The following FIP1L1 variants were observed in gnomAD, a reference collection of about 807,000 sequenced individuals.
FIP1L1 encodes the protein pre-mRNA 3'-end-processing factor FIP1.
In FIP1L1, 21 loss-of-function variants were observed where a neutral mutation model predicts 84.6. The ratio of observed to expected loss-of-function variants is 0.25; its 90% CI spans 0.18 to 0.36. The LOEUF (loss-of-function observed/expected upper bound fraction) is 0.36. Ranked by LOEUF, FIP1L1 falls within the 10% of genes least tolerant of loss-of-function variation. The pLI, the probability that FIP1L1 is intolerant of heterozygous loss-of-function variation, is 1.00. For missense variants in FIP1L1, 526 were observed against 751.1 expected (o/e 0.70, Z 3.50); for synonymous variants, 263 against 242.3 (o/e 1.09, Z -0.80).
chr4:53,446,678 AT>A (rs1774328924), intron 15 of FIP1L1, among the ~76,000 whole-genome samples: 1 of 152,158 alleles, frequency 6.6e-6, no homozygotes, highest in Non-Finnish European at 1.5e-5. Flanking sequence ...TACTATTTTA[AT>A]GAGACTTTCC....
Position 53,458,731 on chromosome 4 carries a change from A to C in FIP1L1, c.1578A>C (p.Glu526Asp), listed in dbSNP as rs1199311254. The change falls in exon 17 of 18, where the codon GAA (glutamate) becomes GAC (aspartate). Residue 526 changes from glutamate to aspartate, a missense_variant. This residue lies in a region of FIP1L1 where 89 missense variants were observed against 169.0 expected (regional missense o/e 0.53). Transcript: ENST00000337488. ...ACAGAGCAAGTCGAGAAAAAGAAGAACGACATAGAGAAAGACGACACAGGG... is the reference window on the plus strand; with the variant it reads ...ACAGAGCAAGTCGAGAAAAAGAAGACCGACATAGAGAAAGACGACACAGGG... ...ERHRASREKE[E>D]RHRERRHREK... is the part of the protein sequence containing the mutation. 2 of 1,613,292 alleles carry C rather than the reference A, an allele frequency of 1.2e-6. No homozygotes were observed. The highest frequency in any genetic ancestry group is 4.5e-5 in the East Asian group (2 of 44,828).
At chr4:53,437,079 C>T (rs1338653763) in intron 13 of FIP1L1, among the ~76,000 whole-genome samples, 2 of 152,070 alleles carry the variant, frequency 1.3e-5, no homozygotes, top group Non-Finnish European at 2.9e-5. Flanking sequence ...GTAATCACAG[C>T]ACTTTGGGAG....
chr4:53,380,888 A>G (rs1045846215), intron 3 of FIP1L1, among the ~76,000 whole-genome samples: 35 of 152,120 alleles, frequency 2.3e-4, no homozygotes, highest in African/African-American at 8.2e-4. Context: ...TTTCTATATG[A>G]TAATCTTTAT....
At position 53,458,825 on chromosome 4, in the gene FIP1L1, T is replaced by A. The variant is rs748019524; in HGVS notation, c.1637+35T>A. ...TTAATAAAATAGTGAACCAATAGTA[T>A]GTGAGAGATTTTGACTTACTACATT... On this transcript the variant is annotated intron_variant, in intron 17 of 17. Transcript: ENST00000337488. The A allele has an allele frequency of 2.5e-6, 4 of 1,592,146 alleles. No individual in the cohort carries two copies. In the African/African-American group the frequency reaches 5.4e-5, roughly 22 times the overall value.
At chr4:53,382,586 A>C (rs1185355062) in intron 4 of FIP1L1, among the ~76,000 whole-genome samples, 3 of 152,204 alleles carry the variant, frequency 2.0e-5, no homozygotes, top group Non-Finnish European at 2.9e-5. Flanking sequence ...CTTTCAAGGA[A>C]TTGAATGGTT....
intron 10 of FIP1L1, among the ~76,000 whole-genome samples, chr4:53,407,513 A>G (rs1197428315): frequency 4.0e-5 from 6 of 151,678 alleles, no homozygotes; most frequent in Non-Finnish European, 8.8e-5. Flanking sequence ...AGTTCTGTAG[A>G]TGTCTATTAG....
rs962041465 is a variant in FIP1L1 at position 53,460,054 on chromosome 4, T to C, written c.*605T>C. 2.0e-5 allele frequency: 2 copies of C among 99,862 alleles called. No individual in the cohort carries two copies. The highest frequency in any genetic ancestry group is 1.1e-4 in the African/African-American group (2 of 19,026). 6.2% of individuals were successfully genotyped at this position (99,862 alleles called of 1,614,324 possible). On this transcript the variant is annotated 3_prime_UTR_variant, in exon 18 of 18. Coordinates refer to ENST00000337488, the MANE Select transcript of FIP1L1 (RefSeq NM_030917.4). Reference sequence around the variant, plus strand: ...AGGCATCTGGGTGGCCTCTATGAAATAAATTAATTAATTACCCATAGTGTA... The same window carrying C: ...AGGCATCTGGGTGGCCTCTATGAAACAAATTAATTAATTACCCATAGTGTA...
Position 53,408,353 on chromosome 4 carries a change from C to CCA in FIP1L1, c.816-6262_816-6261insCA, listed in dbSNP as rs1183218335. 2.0e-3 allele frequency among the ~76,000 whole-genome samples: 302 copies of CCA among 152,282 alleles called. 2 individuals are homozygous for CCA. The highest frequency in any genetic ancestry group is 6.9e-3 in the African/African-American group (285 of 41,560). ...TCTCTTCTGGCTTGTAGAGTTTCTG[C>CCA]GGAGAGATCTGCTGTTAGTCTAATG... On this transcript the variant is annotated intron_variant, in intron 10 of 17. Transcript: ENST00000337488.
chr4:53,451,866 CTCTA>C (rs1463103975), intron 15 of FIP1L1, among the ~76,000 whole-genome samples: 1 of 150,366 alleles, frequency 6.7e-6, no homozygotes, highest in Non-Finnish European at 1.5e-5. Flanking sequence ...TTTTCTTTTT[CTCTA>C]TCTGATAGAC....
chr4:53,432,087 C>T (rs1482224457), intron 13 of FIP1L1, among the ~76,000 whole-genome samples: 1 of 152,042 alleles, frequency 6.6e-6, no homozygotes. Context: ...TGCAGCCATA[C>T]TAACAGTAGC....
At chr4:53,420,583 G>A (rs1385744521) in intron 11 of FIP1L1, among the ~76,000 whole-genome samples, 3 of 152,070 alleles carry the variant, frequency 2.0e-5, no homozygotes, top group Non-Finnish European at 4.4e-5. Context: ...TTTTATTTTA[G>A]ACTAGGTTCT....
At chr4:53,455,372 T>C (rs1718381331) in intron 16 of FIP1L1, among the ~76,000 whole-genome samples, 1 of 152,154 alleles carries the variant, frequency 6.6e-6, no homozygotes, top group Non-Finnish European at 1.5e-5. Flanking sequence ...GCTTCCTCAT[T>C]TTTTAAAAGC....
chr4:53,399,648 G>A, intron 9 of FIP1L1, 82 bp from the exon 10 acceptor site: 1 of 863,290 alleles, frequency 1.2e-6, no homozygotes, highest in Admixed American at 2.3e-5. Flanking sequence ...ATTAAATGTT[G>A]TAAACTTATT....
Position 53,458,808 on chromosome 4 carries a change from A to C in FIP1L1, c.1637+18A>C, listed in dbSNP as rs763424878. ...TCTCGAAGGTTTGCTCTTTAATAAA[A>C]TAGTGAACCAATAGTATGTGAGAGA... On this transcript the variant is annotated intron_variant, in intron 17 of 17. Coordinates refer to ENST00000337488, the MANE Select transcript of FIP1L1 (RefSeq NM_030917.4). The C allele has an allele frequency of 6.2e-7, 1 of 1,607,166 alleles. No individual in the cohort carries two copies. The highest frequency in any genetic ancestry group is 8.5e-7 in the Non-Finnish European group (1 of 1,176,660).
chr4:53,378,989 G>A, intron 1 of FIP1L1, 84 bp from the exon 2 acceptor site: 2 of 1,318,172 alleles, frequency 1.5e-6, no homozygotes, highest in Non-Finnish European at 2.1e-6. Flanking sequence ...TATTTTTATA[G>A]CAGTAAAGTC....
chr4:53,416,680 A>T (rs1759640443), intron 11 of FIP1L1, among the ~76,000 whole-genome samples: 3 of 152,120 alleles, frequency 2.0e-5, no homozygotes, highest in Non-Finnish European at 2.9e-5. Context: ...AATACTTAAA[A>T]TAGGCCAGGT....
intron 12 of FIP1L1, 135 bp from the exon 13 acceptor site, chr4:53,427,892 T>C: frequency 1.4e-6 from 1 of 690,204 alleles, no homozygotes; most frequent in Non-Finnish European, 2.4e-6. Context: ...GAACTATTAC[T>C]CTCCCCCCAA....
chr4:53,445,950 T>C (rs1473911), intron 15 of FIP1L1, among the ~76,000 whole-genome samples: 19,768 of 152,174 alleles, frequency 0.13, 2,562 homozygotes, highest in African/African-American at 0.32. Context: ...GGATGTCATG[T>C]ACTCAATACC....
chr4:53,459,870 G>T lies in FIP1L1; in HGVS notation c.*421G>T, dbSNP rs940663644. Reference sequence around the variant, plus strand: ...CCTCTAAGGCTTGAGATTAAAACTAGTCTTTATCATTACTGCTGTGACACT... The same window carrying T: ...CCTCTAAGGCTTGAGATTAAAACTATTCTTTATCATTACTGCTGTGACACT... On this transcript the variant is annotated 3_prime_UTR_variant, in exon 18 of 18. Transcript: ENST00000337488. The T allele has an allele frequency of 4.2e-6, 1 of 237,268 alleles. No individual in the cohort carries two copies. Among genetic ancestry groups the T allele is most frequent in the African/African-American group, 2.2e-5 (1 of 44,842 alleles). The allele number at this position is 237,268 out of a possible 1,614,324, so 14.7% of individuals were successfully genotyped here.
Sources: allele counts gnomAD v4.1 joint callset (sites outside exome capture counted in the v4.1 genomes callset), GRCh38; gene constraint gnomAD v4.1.1; regional missense constraint gnomAD v4.1.1; transcripts MANE v1.5; gene names NCBI Gene and HGNC (gene_info 2026-07-23, HGNC 2026-07-21).